Variants in MMP16 observed in about 807,000 individuals in gnomAD.
MMP16 encodes the protein matrix metalloproteinase-16.
Under a neutral mutation model 67.8 loss-of-function variants are expected in MMP16, and 12 were observed. That is an observed-to-expected ratio of 0.18 (90% CI 0.11 to 0.29). The LOEUF (loss-of-function observed/expected upper bound fraction) is 0.29, where lower values mean the gene tolerates loss of function less well. Among genes scored for constraint, MMP16 ranks in the 10% least tolerant of loss-of-function variants. The pLI is 1.00. For synonymous variants in MMP16, 249 were observed against 255.9 expected (o/e 0.97, Z 0.26); for missense variants, 475 against 765.7 (o/e 0.62, Z 4.48).
chr8:88,251,125 G>A (rs976470172), intron 1 of MMP16, among the ~76,000 whole-genome samples: 2 of 151,854 alleles, frequency 1.3e-5, no homozygotes, highest in African/African-American at 4.8e-5. Flanking sequence ...TTTTATGGCT[G>A]CATAGTATTC....
chr8:88,139,827 A>G (rs1808182159), intron 4 of MMP16, among the ~76,000 whole-genome samples: 1 of 152,144 alleles, frequency 6.6e-6, no homozygotes, highest in Non-Finnish European at 1.5e-5. Flanking sequence ...AGTTAATTTC[A>G]TAGAAAACAG....
intron 7 of MMP16, among the ~76,000 whole-genome samples, chr8:88,064,947 T>A (rs1808445187): frequency 6.6e-6 from 1 of 152,062 alleles, no homozygotes; most frequent in East Asian, 1.9e-4. Context: ...GAAACTATCA[T>A]CAGCTGAGTG....
intron 1 of MMP16, among the ~76,000 whole-genome samples, chr8:88,235,801 G>A (rs1180122251): frequency 6.6e-6 from 1 of 151,770 alleles, no homozygotes; most frequent in Non-Finnish European, 1.5e-5. Context: ...ACATTGTTAT[G>A]TAACAATGGA....
intron 1 of MMP16, among the ~76,000 whole-genome samples, chr8:88,256,518 C>T (rs1337633927): frequency 6.6e-6 from 1 of 152,106 alleles, no homozygotes; most frequent in African/African-American, 2.4e-5. Context: ...AAGCCCAAGA[C>T]ATTCAGAATT....
chr8:88,045,065 A>T (rs1378329112), intron 9 of MMP16, among the ~76,000 whole-genome samples: 2 of 152,126 alleles, frequency 1.3e-5, no homozygotes, highest in East Asian at 3.9e-4. Context: ...TACAAGTAAT[A>T]TCTTAACTTG....
At chr8:88,184,807 C>T (rs1173258230) in intron 3 of MMP16, among the ~76,000 whole-genome samples, 1 of 134,674 alleles carries the variant, frequency 7.4e-6, no homozygotes, top group African/African-American at 2.8e-5. Context: ...ATGTTTTCCT[C>T]TCAGAAAACA....
In MMP16 at chr8:88,167,716, T is replaced by C; in HGVS notation, c.662A>G (p.His221Arg). 1 of 1,613,962 alleles carries C rather than the reference T, an allele frequency of 6.2e-7. No homozygotes were observed. Among genetic ancestry groups the C allele is most frequent in the Non-Finnish European group, 8.5e-7 (1 of 1,179,930 alleles). Residue 221 changes from histidine (H) to arginine (R), a missense_variant, in exon 4 of 10, where the codon CAT becomes CGT. Coordinates refer to ENST00000286614, the MANE Select transcript of MMP16 (RefSeq NM_005941.5). ...FPGPGIGGDT[H>R]FDSDEPWTLG... is the part of the protein sequence containing the mutation. ...TGTCCATGGCTCATCTGAGTCAAAA[T>C]GGGTATCTCCTCCAATTCCTGGTCC...
intron 4 of MMP16, among the ~76,000 whole-genome samples, chr8:88,164,081 C>T (rs1271590300): frequency 6.6e-6 from 1 of 152,020 alleles, no homozygotes; most frequent in Non-Finnish European, 1.5e-5. Context: ...TACTGGCAGC[C>T]TAAGACACTG....
chr8:88,197,372 A>C (rs1250746392), intron 1 of MMP16, 66 bp from the exon 2 acceptor site: 4 of 1,363,732 alleles, frequency 2.9e-6, no homozygotes, highest in East Asian at 5.3e-5. Context: ...TCTGGTAATT[A>C]ATGTATATCT....
Position 88,121,573 on chromosome 8 carries a change from C to A in MMP16, c.710-2712G>T, listed in dbSNP as rs563527922. 6.6e-5 allele frequency among the ~76,000 whole-genome samples: 10 copies of A among 152,080 alleles called. No homozygotes were observed. The South Asian group carries it at 1.7e-3, about 25-fold the overall frequency. ...ATGAAAATAATAACTGCTGCTGTAACTTATCATTAATTCACATTATTCAAA... is the reference window on the plus strand; with the variant it reads ...ATGAAAATAATAACTGCTGCTGTAAATTATCATTAATTCACATTATTCAAA... On this transcript the variant is annotated intron_variant, in intron 4 of 9. Coordinates refer to ENST00000286614, the MANE Select transcript of MMP16 (RefSeq NM_005941.5).
At chr8:88,066,117 T>C (rs989983702) in intron 7 of MMP16, among the ~76,000 whole-genome samples, 1 of 152,172 alleles carries the variant, frequency 6.6e-6, no homozygotes, top group African/African-American at 2.4e-5. Context: ...TTTCAGCTAC[T>C]TGATTTTATT....
Position 88,224,370 on chromosome 8 carries a change from T to C in MMP16, c.133-27064A>G, listed in dbSNP as rs182239662. ...TAAGCAGGACATTAATAGGTACATA[T>C]ACTATAAACAGATAGTTTTGGTAAC... On this transcript the variant is annotated intron_variant, in intron 1 of 9. Coordinates refer to ENST00000286614, the MANE Select transcript of MMP16 (RefSeq NM_005941.5). 3.1e-3 allele frequency among the ~76,000 whole-genome samples: 470 copies of C among 152,188 alleles called. 1 individual carries two copies. The highest frequency in any genetic ancestry group is 0.011 in the African/African-American group (448 of 41,546).
intron 7 of MMP16, among the ~76,000 whole-genome samples, chr8:88,072,356 A>T (rs966072364): frequency 6.6e-6 from 1 of 152,022 alleles, no homozygotes; most frequent in Non-Finnish European, 1.5e-5. Context: ...CTCACTGGGA[A>T]CACCCAGAAC....
intron 6 of MMP16, among the ~76,000 whole-genome samples, chr8:88,103,536 T>C (rs995770867): frequency 6.6e-6 from 1 of 151,840 alleles, no homozygotes; most frequent in Admixed American, 6.6e-5. Context: ...CTTTGCACAA[T>C]ACTAATAGTA....
At chr8:88,075,976 A>ACACACACACAC (rs1400489880) in intron 6 of MMP16, among the ~76,000 whole-genome samples, 40 of 46,106 alleles carry the variant, frequency 8.7e-4, no homozygotes, top group Admixed American at 2.3e-3. Flanking sequence ...CACACACACA[A>ACACACACACAC]AATCTACTGA....
At chr8:88,301,341 T>C (rs1212523127) in intron 1 of MMP16, among the ~76,000 whole-genome samples, 6 of 152,142 alleles carry the variant, frequency 3.9e-5, no homozygotes, top group Non-Finnish European at 7.4e-5. Context: ...ATACAGAACC[T>C]AAAACAGAAG....
intron 4 of MMP16, among the ~76,000 whole-genome samples, chr8:88,163,417 T>C (rs1808663018): frequency 6.6e-6 from 1 of 152,102 alleles, no homozygotes; most frequent in African/African-American, 2.4e-5. Context: ...ACAGCGTTGA[T>C]AACCTTCCTG....
chr8:88,190,272 A>G (rs940673411), intron 2 of MMP16, among the ~76,000 whole-genome samples: 39 of 152,212 alleles, frequency 2.6e-4, no homozygotes, highest in Admixed American at 2.5e-3. Flanking sequence ...ATTAGTGGGT[A>G]TTATCTTCTC....
At chr8:88,274,400 A>G (rs1323594876) in intron 1 of MMP16, among the ~76,000 whole-genome samples, 1 of 152,064 alleles carries the variant, frequency 6.6e-6, no homozygotes, top group Non-Finnish European at 1.5e-5. Context: ...TTACTTTTCC[A>G]ATATTGTATT....
Sources: gnomAD v4.1 joint callset for allele counts (sites outside exome capture counted in the v4.1 genomes callset) on GRCh38, gnomAD v4.1.1 for gene constraint, MANE v1.5 for transcripts, NCBI Gene and HGNC (gene_info 2026-07-23, HGNC 2026-07-21) for gene names.